VPS35L: variants seen among roughly 807,000 people sequenced by gnomAD.
VPS35L encodes the protein VPS35 endosomal protein-sorting factor-like.
VPS35L carries 83 observed loss-of-function variants against 133.0 expected under a neutral mutation model. The ratio of observed to expected loss-of-function variants is 0.62; its 90% CI spans 0.52 to 0.75. The LOEUF is 0.75. VPS35L is among the 30% of genes least tolerant of loss of function. The pLI is 0.00. For synonymous variants in VPS35L, 423 were observed against 449.9 expected, an observed-to-expected ratio of 0.94 and a Z score of 0.76; for missense variants, 1,083 against 1,206.8, an observed-to-expected ratio of 0.90 and a Z score of 1.52.
intron 2 of VPS35L, chr16:19,569,181 A>C: frequency 1.4e-5 from 9 of 652,806 alleles, no homozygotes; most frequent in East Asian, 3.1e-5. Flanking sequence ...CAGTCCAGTG[A>C]CCTCTCAATT....
chr16:19,661,670 G>T (rs1296827682), intron 26 of VPS35L, among the ~76,000 whole-genome samples: 1 of 152,142 alleles, frequency 6.6e-6, no homozygotes, highest in Non-Finnish European at 1.5e-5. Flanking sequence ...AATTAGAGAG[G>T]ACCCTTCCCG....
intron 28 of VPS35L, among the ~76,000 whole-genome samples, chr16:19,684,710 A>G (rs1373080106): frequency 1.3e-5 from 2 of 152,220 alleles, no homozygotes; most frequent in African/African-American, 4.8e-5. Flanking sequence ...GATGGAAGTG[A>G]AACTCACACC....
Position 19,616,758 on chromosome 16 carries a change from C to A in VPS35L, c.1174C>A (p.Pro392Thr). 6.2e-7 allele frequency: 1 copy of A among 1,614,150 alleles called. No individual in the cohort carries two copies. The highest frequency in any genetic ancestry group is 1.7e-5 in the Admixed American group (1 of 60,012). Residue 392 changes from proline (P) to threonine (T), a missense_variant, in exon 14 of 31, where the codon CCG becomes ACG. Coordinates refer to ENST00000417362, the MANE Select transcript of VPS35L (RefSeq NM_020314.7). ...VELPSYLPLY[P>T]PAMDWIFQCI... is the part of the protein sequence containing the mutation. Reference sequence around the variant, plus strand: ...GCTCCCATCTTACCTCCCCTTGTACCCGCCTGCCATGGACTGGATCTTCCA... The same window carrying A: ...GCTCCCATCTTACCTCCCCTTGTACACGCCTGCCATGGACTGGATCTTCCA...
intron 29 of VPS35L, among the ~76,000 whole-genome samples, chr16:19,693,406 C>T (rs1378255576): frequency 6.6e-6 from 1 of 151,846 alleles, no homozygotes; most frequent in Non-Finnish European, 1.5e-5. Context: ...TTTGGGAGGC[C>T]CAGGTGGGAG....
At chr16:19,570,873 A>ATT (rs1438392929) in intron 3 of VPS35L, among the ~76,000 whole-genome samples, 2 of 56,870 alleles carry the variant, frequency 3.5e-5, no homozygotes, top group African/African-American at 2.7e-4. Context: ...ATATATATAT[A>ATT]TATATATATA....
intron 2 of VPS35L, among the ~76,000 whole-genome samples, chr16:19,565,334 C>T (rs904658617): frequency 4.6e-5 from 7 of 151,376 alleles, no homozygotes; most frequent in Admixed American, 2.6e-4. Context: ...TGGGTGTGGG[C>T]CACCGTGCCC....
At position 19,699,623 on chromosome 16, in the gene VPS35L, A is replaced by T; in HGVS notation, c.2768A>T (p.His923Leu). Reference protein sequence around the residue: ...SVNLWHLAQRHGCADTRTMVK... With the variant: ...SVNLWHLAQRLGCADTRTMVK... ...AACCTGTGGCACCTGGCACAGAGGC[A>T]CGGCTGTGCAGACACCAGGACCATG... Residue 923 changes from histidine to leucine, a missense_variant, in exon 30 of 31, where the codon CAC (histidine) becomes CTC (leucine). His to Leu is a moderately conservative substitution (Grantham distance 99, BLOSUM62 -3). Coordinates refer to ENST00000417362, the MANE Select transcript of VPS35L (RefSeq NM_020314.7). This position sits in a 1 kb window ranked among gnomAD's most constrained non-coding sequence, Gnocchi z 4.2. 1 of 1,613,986 alleles carries T rather than the reference A, an allele frequency of 6.2e-7. No individual in the cohort carries two copies. The highest frequency in any genetic ancestry group is 8.5e-7 in the Non-Finnish European group (1 of 1,180,028).
At chr16:19,644,274 A>G (rs1001095221) in intron 22 of VPS35L, among the ~76,000 whole-genome samples, 16 of 152,346 alleles carry the variant, frequency 1.1e-4, no homozygotes, top group African/African-American at 3.6e-4. Context: ...AAAAAATAAG[A>G]TGGATTGATG....
chr16:19,576,189 A>G (rs1478949784), intron 5 of VPS35L, among the ~76,000 whole-genome samples: 1 of 139,596 alleles, frequency 7.2e-6, no homozygotes, highest in Non-Finnish European at 1.6e-5. Context: ...AACAAAAAAA[A>G]AAAACAAAGA....
intron 23 of VPS35L, among the ~76,000 whole-genome samples, chr16:19,645,691 C>T (rs1405403958): frequency 2.0e-5 from 3 of 152,192 alleles, no homozygotes; most frequent in East Asian, 3.9e-4. Flanking sequence ...CTCTGCAGCC[C>T]AGCAGGTGGG....
Position 19,640,063 on chromosome 16 carries a change from G to T in VPS35L, c.1747G>T (p.Val583Leu). ...CATGTTCCAAAAAGAGAGTGTGCGGGTGGAGGTTTGCAAATGCATCATGGA... is the reference window on the plus strand; with the variant it reads ...CATGTTCCAAAAAGAGAGTGTGCGGTTGGAGGTTTGCAAATGCATCATGGA... ...LDMFQKESVR[V>L]EVCKCIMDAF... The change falls in exon 21 of 31, where the codon GTG becomes TTG. Residue 583 changes from valine (V) to leucine (L), a missense_variant. Val to Leu is a conservative substitution (Grantham distance 32, BLOSUM62 1). Transcript: ENST00000417362. 1 of 1,614,200 alleles carries T rather than the reference G, an allele frequency of 6.2e-7. No homozygotes were observed. The highest frequency in any genetic ancestry group is 1.1e-5 in the South Asian group (1 of 91,084).
At chr16:19,577,543 T>A (rs1217086896) in intron 5 of VPS35L, among the ~76,000 whole-genome samples, 1 of 152,210 alleles carries the variant, frequency 6.6e-6, no homozygotes, top group Non-Finnish European at 1.5e-5. Context: ...GGTGGGAATG[T>A]AAAATGGCAC....
At chr16:19,630,019 ATTT>A (rs1973395978) in intron 18 of VPS35L, among the ~76,000 whole-genome samples, 199 bp downstream of exon 18, 4 of 152,204 alleles carry the variant, frequency 2.6e-5, no homozygotes, top group Admixed American at 1.3e-4. Context: ...CCATGTTTAC[ATTT>A]AAGTTTGGAA....
intron 29 of VPS35L, among the ~76,000 whole-genome samples, chr16:19,696,076 C>T (rs529128435): frequency 2.7e-5 from 4 of 150,554 alleles, no homozygotes; most frequent in African/African-American, 7.3e-5. Flanking sequence ...CTAGTAGAGA[C>T]GGGGTTTCAC....
chr16:19,595,569 G>A (rs11649479), intron 8 of VPS35L, among the ~76,000 whole-genome samples: 45,759 of 151,994 alleles, frequency 0.3, 8,145 homozygotes, highest in Non-Finnish European at 0.4. Context: ...TCTTTTGTAT[G>A]AGTCAGCTTT....
At chr16:19,601,801 T>A in intron 9 of VPS35L, 78 bp downstream of exon 9, 3 of 1,423,576 alleles carry the variant, frequency 2.1e-6, no homozygotes, top group East Asian at 2.3e-5. Flanking sequence ...TCAGGATTCA[T>A]TGAAGCTTGA....
chr16:19,569,671 CTT>C, intron 3 of VPS35L, 80 bp downstream of exon 3: 1 of 1,347,102 alleles, frequency 7.4e-7, no homozygotes. Flanking sequence ...GTGCCCTGCC[CTT>C]TTTTTTCCCC....
intron 6 of VPS35L, 105 bp downstream of exon 6, chr16:19,579,233 G>A (rs1008307213): frequency 2.8e-5 from 30 of 1,060,600 alleles, no homozygotes; most frequent in African/African-American, 1.4e-4. Flanking sequence ...CCTGGGCTGC[G>A]CATTGTGCTT....
At chr16:19,682,174 CT>C (rs1975303531) in intron 27 of VPS35L, 50 bp from the exon 28 acceptor site, 1 of 1,585,818 alleles carries the variant, frequency 6.3e-7, no homozygotes, top group Non-Finnish European at 8.6e-7. Flanking sequence ...TTCTTTTTCC[CT>C]CCCTGCTTCA....
Sources: allele counts gnomAD v4.1 joint callset (sites outside exome capture counted in the v4.1 genomes callset), GRCh38; gene constraint gnomAD v4.1.1; non-coding constraint Gnocchi (gnomAD v3.1); transcripts MANE v1.5; gene names NCBI Gene and HGNC (gene_info 2026-07-23, HGNC 2026-07-21).